Variants in DIO2 observed in about 807,000 individuals in gnomAD.
DIO2 encodes the protein type II iodothyronine deiodinase.
DIO2 carries 19 observed loss-of-function variants against 21.4 expected under a neutral mutation model. The ratio of observed to expected loss-of-function variants is 0.89; its 90% confidence interval spans 0.62 to 1.30. DIO2 has a LOEUF of 1.30. Ranked by LOEUF, DIO2 falls within the 50% of genes most tolerant of loss-of-function variation. DIO2 has a pLI of 0.00. For missense variants in DIO2, 302 were observed against 338.1 expected (o/e 0.89, Z 0.84); for synonymous variants, 122 against 132.9 (o/e 0.92, Z 0.57).
At chr14:80,229,969 T>C (rs1025254287) in intron 2 of DIO2, among the ~76,000 whole-genome samples, 1 of 152,150 alleles carries the variant, frequency 6.6e-6, no homozygotes, top group African/African-American at 2.4e-5. Context: ...ACTTTAGTTA[T>C]AGGTCTAGAA....
In DIO2 at chr14:80,199,832, C is replaced by T. The variant is rs1696293342; in HGVS notation, c.*2857G>A. On this transcript the variant is annotated 3_prime_UTR_variant, in exon 2 of 2. Transcript: ENST00000438257. The stretch of plus-strand genomic sequence containing the variant: ...TAGGGACTAAGAAAGAGAACTCAGA[C>T]TTTTATATATGATATAAATATATCA... The T allele has an allele frequency of 6.6e-6, 1 of 152,460 alleles. No homozygotes were observed. Among genetic ancestry groups the T allele is most frequent in the Admixed American group, 6.6e-5 (1 of 15,250 alleles). 9.4% of individuals were successfully genotyped at this position (152,460 alleles called of 1,614,324 possible).
At chr14:80,208,731 A>G (rs1448347458) in intron 1 of DIO2, among the ~76,000 whole-genome samples, 2 of 152,200 alleles carry the variant, frequency 1.3e-5, no homozygotes, top group African/African-American at 4.8e-5. Context: ...GCATTCAGAG[A>G]AGTGATTCAA....
rs766634398 is a variant in DIO2 at position 80,202,894 on chromosome 14, G to T, written c.617C>A (p.Pro206His). 6.2e-7 allele frequency: 1 copy of T among 1,613,934 alleles called. No homozygotes were observed. The highest frequency in any genetic ancestry group is 1.7e-5 in the Admixed American group (1 of 60,016). ...GCGGTCAGCCACAACTCGGCACTGGGGCGGCAAGGAGAAACGCTCCAGAAG... is the reference window on the plus strand; with the variant it reads ...GCGGTCAGCCACAACTCGGCACTGGTGCGGCAAGGAGAAACGCTCCAGAAG... ...QQLLERFSLPPQCRVVADRMD... is the reference protein window; with the variant it reads ...QQLLERFSLPHQCRVVADRMD... The change falls in exon 2 of 2, where the codon CCC becomes CAC. Residue 206 changes from proline to histidine, a missense_variant. Transcript: ENST00000438257.
intron 1 of DIO2, chr14:80,206,091 G>T (rs1887943838): frequency 4.7e-6 from 3 of 640,392 alleles, no homozygotes; most frequent in Non-Finnish European, 8.0e-6. Flanking sequence ...TTTTTATTTT[G>T]TTGAGGAGCC....
intron 1 of DIO2, among the ~76,000 whole-genome samples, chr14:80,209,562 A>G (rs1394999472): frequency 2.6e-5 from 4 of 152,234 alleles, no homozygotes; most frequent in Non-Finnish European, 5.9e-5. Flanking sequence ...AAAACAAACC[A>G]TTAAAAACTT....
chr14:80,218,090 A>T (rs540365239), intron 2 of DIO2, among the ~76,000 whole-genome samples: 1 of 152,202 alleles, frequency 6.6e-6, no homozygotes, highest in Non-Finnish European at 1.5e-5. Context: ...ACTTAGCTGT[A>T]TTCTAAAAAT....
At chr14:80,221,414 A>G (rs183545102) in intron 2 of DIO2, among the ~76,000 whole-genome samples, 184 of 152,346 alleles carry the variant, frequency 1.2e-3, no homozygotes, top group Non-Finnish European at 1.9e-3. Flanking sequence ...GTGTTTTTAA[A>G]AAGGTAGAGA....
chr14:80,221,035 TG>T (rs2140018315), intron 2 of DIO2, among the ~76,000 whole-genome samples: 1 of 152,340 alleles, frequency 6.6e-6, no homozygotes, highest in African/African-American at 2.4e-5. Flanking sequence ...CTTTTTATCA[TG>T]GAAAAATTTC....
chr14:80,230,575 G>C (rs578048708), intron 2 of DIO2, among the ~76,000 whole-genome samples: 12 of 152,104 alleles, frequency 7.9e-5, no homozygotes, highest in Admixed American at 3.3e-4. Context: ...ATGGTCAAAG[G>C]TATGATGTAC....
chr14:80,215,458 G>A (rs1333679752), upstream of DIO2, among the ~76,000 whole-genome samples: 1 of 152,104 alleles, frequency 6.6e-6, no homozygotes. Flanking sequence ...CACAACAGTT[G>A]CCATTACTAT....
In DIO2 at chr14:80,203,081, G is replaced by C. The variant is rs553834317; in HGVS notation, c.430C>G (p.Arg144Gly). The C allele has an allele frequency of 1.9e-6, 3 of 1,613,894 alleles. No individual in the cohort carries two copies. The highest frequency in any genetic ancestry group is 4.5e-5 in the East Asian group (2 of 44,870). ...PPFTSQLPAF[R>G]KLVEEFSSVA... ...GAGGAGAACTCTTCCACCAGTTTGC[G>C]GAAGGCTGGCAGCTGGCTCGTGAAA... Residue 144 changes from arginine (R) to glycine (G), a missense_variant, in exon 2 of 2, where the codon CGC becomes GGC. Coordinates refer to ENST00000438257, the MANE Select transcript of DIO2 (RefSeq NM_013989.5).
Position 80,211,283 on chromosome 14 carries a change from A to G in DIO2, c.190T>C (p.Trp64Arg). The G allele has an allele frequency of 6.2e-7, 1 of 1,612,760 alleles. No homozygotes were observed. Among genetic ancestry groups the G allele is most frequent in the Non-Finnish European group, 8.5e-7 (1 of 1,179,820 alleles). Residue 64 changes from tryptophan to arginine, a missense_variant, in exon 1 of 2, where the codon TGG becomes CGG. Physicochemically the swap from Trp to Arg is moderately radical, Grantham distance 101 (BLOSUM62 -3). Coordinates refer to ENST00000438257, the MANE Select transcript of DIO2 (RefSeq NM_013989.5). ...MLTSEGLRCV[W>R]KSFLLDAYKQ... ...TAGGCATCGAGGAGGAAGCTCTTCC[A>G]GACGCAGCGCAGTCCCTCTGAGGTC...
In DIO2 at chr14:80,202,846, G is replaced by C. The variant is rs1339372951; in HGVS notation, c.665C>G (p.Ala222Gly). Reference protein sequence around the residue: ...ADRMDNNANIAYGVAFERVCI... With the variant: ...ADRMDNNANIGYGVAFERVCI... ...CACACGTTCAAAGGCTACCCCGTAA[G>C]CTATGTTGGCGTTATTGTCCATGCG... Residue 222 changes from alanine to glycine, a missense_variant, in exon 2 of 2, where the codon GCT becomes GGT. Ala to Gly is a moderately conservative substitution (Grantham distance 60). Transcript: ENST00000438257. The C allele has an allele frequency of 1.2e-5, 20 of 1,613,946 alleles. No individual in the cohort carries two copies. The highest frequency in any genetic ancestry group is 1.7e-5 in the Non-Finnish European group (20 of 1,179,882).
rs1213127816 is a variant in DIO2 at position 80,199,609 on chromosome 14, T to G, written c.*3080A>C. The G allele has an allele frequency of 4.6e-5, 7 of 152,576 alleles. No individual in the cohort carries two copies. The highest frequency in any genetic ancestry group is 1.7e-4 in the African/African-American group (7 of 41,454). The allele number at this position is 152,576 out of a possible 1,614,324, so 9.5% of individuals were successfully genotyped here. ...ATCATTGTTGATCCCACTAGTATTT[T>G]CACTAAGCAATAAATAAAGTCAGTT... On this transcript the variant is annotated 3_prime_UTR_variant, in exon 2 of 2. Coordinates refer to ENST00000438257, the MANE Select transcript of DIO2 (RefSeq NM_013989.5).
intron 1 of DIO2, among the ~76,000 whole-genome samples, chr14:80,208,979 G>A (rs1357760119): frequency 2.0e-5 from 3 of 151,960 alleles, no homozygotes; most frequent in Non-Finnish European, 4.4e-5. Flanking sequence ...TCGTGAACTT[G>A]GTCACTAATC....
chr14:80,224,380 ACT>A (rs1938978856), intron 2 of DIO2, among the ~76,000 whole-genome samples: 1 of 152,140 alleles, frequency 6.6e-6, no homozygotes, highest in African/African-American at 2.4e-5. Context: ...TTGGAAAAAG[ACT>A]CTTTGCAGAT....
At chr14:80,208,404 T>G (rs1049393011) in intron 1 of DIO2, among the ~76,000 whole-genome samples, 2 of 152,200 alleles carry the variant, frequency 1.3e-5, no homozygotes, top group East Asian at 3.8e-4. Flanking sequence ...AGAAAATATT[T>G]TGTTCTTTCT....
chr14:80,223,461 T>C (rs1041009666), intron 2 of DIO2, among the ~76,000 whole-genome samples: 3 of 152,140 alleles, frequency 2.0e-5, no homozygotes, highest in Non-Finnish European at 4.4e-5. Context: ...TATTAACAAA[T>C]GTGAAGGAAT....
intron 1 of DIO2, chr14:80,206,142 G>T: frequency 1.2e-6 from 1 of 828,456 alleles, no homozygotes. Flanking sequence ...AAATGGATAT[G>T]CTTATTCATG....
Sources: allele counts gnomAD v4.1 joint callset (sites outside exome capture counted in the v4.1 genomes callset), GRCh38; gene constraint gnomAD v4.1.1; transcripts MANE v1.5; gene names NCBI Gene and HGNC (gene_info 2026-07-23, HGNC 2026-07-21).